C4BPA: variants seen among roughly 807,000 people sequenced by gnomAD.
The protein encoded by C4BPA is C4b-binding protein alpha chain.
A neutral mutation model predicts 63.7 loss-of-function variants in C4BPA; 31 were observed. The ratio of observed to expected loss-of-function variants is 0.49; its 90% CI spans 0.37 to 0.66. The LOEUF (loss-of-function observed/expected upper bound fraction) is 0.66. C4BPA is among the 30% of genes least tolerant of loss of function. The pLI is 0.00. For synonymous variants in C4BPA, 259 were observed against 254.7 expected, an observed-to-expected ratio of 1.02 and a Z score of -0.16; for missense variants, 572 against 723.3, an observed-to-expected ratio of 0.79 and a Z score of 2.40.
At chr1:207,141,344 A>C in intron 10 of C4BPA, 68 bp downstream of exon 10, 4 of 1,235,588 alleles carry the variant, frequency 3.2e-6, no homozygotes, top group Non-Finnish European at 4.5e-6. Context: ...CTGAGAGCTA[A>C]GTTTCTTCCC....
chr1:207,123,801 T>C, intron 4 of C4BPA, 121 bp from the exon 5 acceptor site: 1 of 631,860 alleles, frequency 1.6e-6, no homozygotes, highest in South Asian at 2.0e-5. Context: ...TGGGAAATGA[T>C]ATCCAAGAAC....
intron 7 of C4BPA, 51 bp downstream of exon 7, chr1:207,126,946 C>A (rs751596224): frequency 7.0e-7 from 1 of 1,428,076 alleles, no homozygotes; most frequent in South Asian, 1.2e-5. Context: ...AAAGGTACCC[C>A]GTACTGTTAA....
chr1:207,137,765 A>G (rs1223492612), intron 9 of C4BPA, among the ~76,000 whole-genome samples: 1 of 151,892 alleles, frequency 6.6e-6, no homozygotes, highest in East Asian at 1.9e-4. Context: ...TTACAGGCAC[A>G]TGCCACTGGG....
At position 207,141,109 on chromosome 1, in the gene C4BPA, G is replaced by A; in HGVS notation, c.1277G>A (p.Cys426Tyr). The change falls in exon 10 of 12, where the codon TGC (cysteine) becomes TAC (tyrosine). Residue 426 changes from cysteine to tyrosine, a missense_variant. Physicochemically the swap from Cys to Tyr is radical, Grantham distance 194. Transcript: ENST00000367070. ...SPRTPSCGDI[C>Y]NFPPKIAHGH... ...ACTTTTTTGTCTCTCCCTCAAGTTT[G>A]CAATTTTCCTCCTAAAATTGCCCAT... 6.2e-7 allele frequency: 1 copy of A among 1,609,456 alleles called. No homozygotes were observed. Among genetic ancestry groups the A allele is most frequent in the East Asian group, 2.2e-5 (1 of 44,756 alleles).
intron 10 of C4BPA, 113 bp from the exon 11 acceptor site, chr1:207,143,705 G>C (rs1204560621): frequency 2.7e-6 from 2 of 744,442 alleles, no homozygotes; most frequent in Non-Finnish European, 4.3e-6. Context: ...CAAATGAAGA[G>C]AAAGATAGAA....
intron 10 of C4BPA, 145 bp downstream of exon 10, chr1:207,141,421 C>A (rs960412072): frequency 3.5e-6 from 2 of 564,604 alleles, no homozygotes; most frequent in African/African-American, 1.9e-5. Flanking sequence ...CAAATGGTAC[C>A]CAATGCAAAA....
intron 6 of C4BPA, among the ~76,000 whole-genome samples, chr1:207,125,104 A>T (rs1391420825): frequency 6.6e-6 from 1 of 152,232 alleles, no homozygotes; most frequent in Admixed American, 6.5e-5. Context: ...TTTACACAGT[A>T]TTGCTTACTA....
At chr1:207,129,329 AGAG>A (rs2102346826) in intron 7 of C4BPA, among the ~76,000 whole-genome samples, 2 of 151,602 alleles carry the variant, frequency 1.3e-5, no homozygotes, top group East Asian at 3.9e-4. Flanking sequence ...ATGTATAATG[AGAG>A]TCCCAGAAAG....
intron 1 of C4BPA, 164 bp from the exon 2 acceptor site, chr1:207,112,837 C>T (rs750550941): frequency 8.5e-6 from 5 of 587,684 alleles, no homozygotes; most frequent in Non-Finnish European, 1.4e-5. Context: ...AGAGGCCAAT[C>T]CTTACTGTCT....
At chr1:207,112,901 TGTC>T in intron 1 of C4BPA, 97 bp from the exon 2 acceptor site, 1 of 1,134,206 alleles carries the variant, frequency 8.8e-7, no homozygotes, top group East Asian at 2.7e-5. Flanking sequence ...CACTCCAGGC[TGTC>T]ATTTCCTTGA....
intron 6 of C4BPA, among the ~76,000 whole-genome samples, chr1:207,125,313 G>A (rs537079108): frequency 1.3e-5 from 2 of 152,328 alleles, no homozygotes; most frequent in Admixed American, 6.5e-5. Context: ...GACTTTGAAA[G>A]GCTTTAACAA....
At chr1:207,137,816 C>T (rs1685320689) in intron 9 of C4BPA, among the ~76,000 whole-genome samples, 1 of 152,182 alleles carries the variant, frequency 6.6e-6, no homozygotes, top group Admixed American at 6.5e-5. Flanking sequence ...CAGCGTTTCA[C>T]CATGTTGGCC....
At chr1:207,144,487 C>G in intron 11 of C4BPA, 57 bp from the exon 12 acceptor site, 1 of 1,465,236 alleles carries the variant, frequency 6.8e-7, no homozygotes, top group South Asian at 1.3e-5. Flanking sequence ...AGGATCCACC[C>G]TCCTTTATGA....
intron 4 of C4BPA, among the ~76,000 whole-genome samples, chr1:207,118,294 A>G (rs1684855852): frequency 6.6e-6 from 1 of 151,578 alleles, no homozygotes; most frequent in Admixed American, 6.6e-5. Context: ...ATCTCAGCCA[A>G]CTTTCTAAAT....
At chr1:207,116,516 A>G (rs4844567) in intron 4 of C4BPA, among the ~76,000 whole-genome samples, 33 of 80,006 alleles carry the variant, frequency 4.1e-4, no homozygotes, top group South Asian at 2.7e-3. Flanking sequence ...GTGTGTGTAT[A>G]TGTGTGTGTG....
Position 207,132,071 on chromosome 1 carries a change from T to A in C4BPA, c.1084+331T>A, listed in dbSNP as rs137888669. Among the ~76,000 whole-genome samples the A allele has an allele frequency of 1.2e-3, 182 of 152,334 alleles. 1 individual carries two copies. The highest frequency in any genetic ancestry group is 4.3e-3 in the African/African-American group (177 of 41,590). On this transcript the variant is annotated intron_variant, in intron 8 of 11. Coordinates refer to ENST00000367070, the MANE Select transcript of C4BPA (RefSeq NM_000715.4). ...TATTGTCAGAGTCAGGCTTCCTTCA[T>A]AGCCCTTACCTCCCCAGTATGGGCT... is the stretch of plus-strand genomic sequence containing the variant.
In C4BPA at chr1:207,141,248, C is replaced by A. The variant is rs753075551; in HGVS notation, c.1416C>A (p.His472Gln). The A allele has an allele frequency of 7.4e-6, 12 of 1,613,514 alleles. No homozygotes were observed. Among genetic ancestry groups the A allele is most frequent in the East Asian group, 2.2e-5 (1 of 44,866 alleles). Residue 472 changes from histidine (H) to glutamine (Q), a missense_variant, in exon 10 of 12, where the codon CAC becomes CAA. Transcript: ENST00000367070. ...GQAKLSCSYS[H>Q]WSAPAPQCKA... is the part of the protein sequence containing the mutation. ...CGAAACTCTCCTGCAGTTATTCACACTGGTCAGCTCCAGCCCCTCAATGTA... is the reference window on the plus strand; with the variant it reads ...CGAAACTCTCCTGCAGTTATTCACAATGGTCAGCTCCAGCCCCTCAATGTA...
chr1:207,106,561 C>A (rs1341569850), intron 1 of C4BPA, among the ~76,000 whole-genome samples: 1 of 151,780 alleles, frequency 6.6e-6, no homozygotes, highest in African/African-American at 2.4e-5. Flanking sequence ...CCTGCCTCAG[C>A]CTCCCGAGTA....
chr1:207,128,067 G>T (rs180745545), intron 7 of C4BPA, among the ~76,000 whole-genome samples: 245 of 152,248 alleles, frequency 1.6e-3, no homozygotes, highest in African/African-American at 5.3e-3. Context: ...TGGGGCAGCT[G>T]GTAAGAAGTC....
Sources: allele counts gnomAD v4.1 joint callset (sites outside exome capture counted in the v4.1 genomes callset), GRCh38; gene constraint gnomAD v4.1.1; transcripts MANE v1.5; gene names NCBI Gene and HGNC (gene_info 2026-07-23, HGNC 2026-07-21).